ITPKB: variants seen among roughly 807,000 people sequenced by gnomAD.
The protein encoded by ITPKB is IP3 3-kinase B.
A neutral mutation model predicts 69.4 loss-of-function variants in ITPKB; 13 were observed. The observed-to-expected ratio is 0.19, with a 90% CI of 0.12 to 0.30. ITPKB has a LOEUF of 0.30. Among genes scored for constraint, ITPKB ranks in the 10% least tolerant of loss-of-function variants. The pLI, the probability that ITPKB is intolerant of heterozygous loss-of-function variation, is 1.00. For synonymous variants in ITPKB, 584 were observed against 513.7 expected (o/e 1.14, Z -1.85); for missense variants, 1,240 against 1,250.5 (o/e 0.99, Z 0.13).
At chr1:226,661,249 C>A (rs926949382) in intron 2 of ITPKB, among the ~76,000 whole-genome samples, 45 of 152,334 alleles carry the variant, frequency 3.0e-4, no homozygotes, top group Admixed American at 7.8e-4. Context: ...GAGCGCAGCC[C>A]ATAGCATGCG....
intron 2 of ITPKB, among the ~76,000 whole-genome samples, chr1:226,712,780 C>T (rs538790566): frequency 1.1e-4 from 16 of 152,310 alleles, no homozygotes; most frequent in African/African-American, 3.9e-4. Context: ...AAGAACAATA[C>T]AGATTGCAGG....
rs185462754 is a variant in ITPKB, at chr1:226,680,518, C to T, written c.1933-31747G>A. Among the ~76,000 whole-genome samples, 15 of 152,208 alleles carry T rather than the reference C, an allele frequency of 9.9e-5. No homozygotes were observed. The East Asian group carries it at 2.7e-3, about 27-fold the overall frequency. On this transcript the variant is annotated intron_variant, in intron 2 of 7. Coordinates refer to ENST00000429204, the MANE Select transcript of ITPKB (RefSeq NM_002221.4). ...CAGCTGGTGAACCGATGTGAAGAGT[C>T]GGCTCTAATGATTACTTGTATTAAG...
At position 226,737,251 on chromosome 1, in the gene ITPKB, G is replaced by A; in HGVS notation, c.208C>T (p.Arg70Trp). ...CCGCTCCGCCAGCCCCCGGGGCTCC[G>A]GGGCTCCTCGGGGGACAGCGACTCG... ...PAESLSPEEP[R>W]SPGGWRSGRR... Residue 70 changes from arginine to tryptophan, a missense_variant, in exon 2 of 8, where the codon CGG becomes TGG. Transcript: ENST00000429204. 1 of 1,553,086 alleles carries A rather than the reference G, an allele frequency of 6.4e-7. No homozygotes were observed. Among genetic ancestry groups the A allele is most frequent in the Non-Finnish European group, 8.6e-7 (1 of 1,156,754 alleles).
chr1:226,723,574 G>T (rs902990365), intron 2 of ITPKB, among the ~76,000 whole-genome samples: 1 of 151,832 alleles, frequency 6.6e-6, no homozygotes, highest in Admixed American at 6.6e-5. Flanking sequence ...CGTGTGTGTG[G>T]GTGTGTGTGT....
intron 2 of ITPKB, among the ~76,000 whole-genome samples, chr1:226,695,384 A>G (rs975552431): frequency 3.3e-5 from 5 of 152,222 alleles, no homozygotes; most frequent in Admixed American, 3.3e-4. Context: ...GTTTTAAATA[A>G]ATCAATTGTG....
At chr1:226,710,304 T>C (rs2102636351) in intron 2 of ITPKB, among the ~76,000 whole-genome samples, 1 of 152,192 alleles carries the variant, frequency 6.6e-6, no homozygotes, top group African/African-American at 2.4e-5. Context: ...AAACAGAAAC[T>C]GCAGATAGCA....
At chr1:226,714,952 G>A (rs761200951) in intron 2 of ITPKB, among the ~76,000 whole-genome samples, 5 of 152,224 alleles carry the variant, frequency 3.3e-5, no homozygotes, top group Admixed American at 6.5e-5. Flanking sequence ...CTACTGACCA[G>A]AGATACTGCT....
intron 7 of ITPKB, among the ~76,000 whole-genome samples, chr1:226,635,993 GC>G (rs1274376466): frequency 5.9e-5 from 9 of 152,212 alleles, no homozygotes; most frequent in African/African-American, 2.2e-4. Context: ...CAAAAAAGGG[GC>G]TTCCTCTTCG....
intron 2 of ITPKB, among the ~76,000 whole-genome samples, chr1:226,664,496 C>A (rs1232694876): frequency 1.3e-5 from 2 of 152,162 alleles, no homozygotes; most frequent in African/African-American, 4.8e-5. Flanking sequence ...GGACTCTGTC[C>A]CAGGGAGAAG....
chr1:226,711,440 AGAGTGTGTGTGT>A (rs1558092982), intron 2 of ITPKB, among the ~76,000 whole-genome samples: 4 of 95,448 alleles, frequency 4.2e-5, no homozygotes, highest in Admixed American at 2.9e-4. Flanking sequence ...AGAGAGAGAG[AGAGTGTGTGTGT>A]GTGTGTGTGT....
chr1:226,711,440 A>AGTGTGTGT (rs1317310111), intron 2 of ITPKB, among the ~76,000 whole-genome samples: 9 of 95,548 alleles, frequency 9.4e-5, no homozygotes, highest in African/African-American at 3.4e-4. Context: ...AGAGAGAGAG[A>AGTGTGTGT]GAGTGTGTGT....
chr1:226,705,105 T>A (rs1656768623), intron 2 of ITPKB, among the ~76,000 whole-genome samples: 1 of 152,196 alleles, frequency 6.6e-6, no homozygotes, highest in Non-Finnish European at 1.5e-5. Context: ...TTCAGGCCAC[T>A]CTCCCACAGA....
chr1:226,726,682 A>G (rs948892026), intron 2 of ITPKB, among the ~76,000 whole-genome samples: 7 of 152,044 alleles, frequency 4.6e-5, no homozygotes, highest in Admixed American at 2.0e-4. Context: ...TCTCAAATTC[A>G]TAAATTTTTT....
At chr1:226,680,057 C>T (rs1656039764) in intron 2 of ITPKB, among the ~76,000 whole-genome samples, 1 of 152,228 alleles carries the variant, frequency 6.6e-6, no homozygotes, top group Non-Finnish European at 1.5e-5. Flanking sequence ...GAACCAACCA[C>T]ACCTCGATCC....
intron 2 of ITPKB, among the ~76,000 whole-genome samples, chr1:226,697,972 A>C (rs1217264607): frequency 6.6e-6 from 1 of 152,184 alleles, no homozygotes; most frequent in Non-Finnish European, 1.5e-5. Flanking sequence ...AGTCCTATGC[A>C]CTGCACTCTC....
chr1:226,668,275 A>G (rs1669544848), intron 2 of ITPKB, among the ~76,000 whole-genome samples: 1 of 152,244 alleles, frequency 6.6e-6, no homozygotes, highest in African/African-American at 2.4e-5. Flanking sequence ...GTTAATTCAA[A>G]TAACTCATAT....
In ITPKB at chr1:226,736,358, T is replaced by C. The variant is rs368127761; in HGVS notation, c.1101A>G (p.Glu367=). ...ATCCTTTCCCCATCTTCCCAGGGGG[T>C]TCTCCATCGCGGGGCCCGCCCCTTT... ...APERGGPRDG[E]PPGKMGKGYL... is the part of the protein sequence containing the mutation. The change falls in exon 2 of 8, where the codon GAA becomes GAG. Residue 367 remains glutamate (E), a synonymous_variant. Coordinates refer to ENST00000429204, the MANE Select transcript of ITPKB (RefSeq NM_002221.4). 1.8e-4 allele frequency: 288 copies of C among 1,612,198 alleles called. 1 individual carries two copies. Among genetic ancestry groups the C allele is most frequent in the Non-Finnish European group, 2.3e-4 (277 of 1,179,710 alleles).
chr1:226,696,661 C>T (rs1656495792), intron 2 of ITPKB, among the ~76,000 whole-genome samples: 1 of 152,198 alleles, frequency 6.6e-6, no homozygotes, highest in African/African-American at 2.4e-5. Flanking sequence ...CTCCATAGAA[C>T]TCACAGCTAG....
intron 2 of ITPKB, among the ~76,000 whole-genome samples, chr1:226,696,286 T>TAC (rs1250575215): frequency 1.3e-5 from 2 of 152,024 alleles, no homozygotes; most frequent in East Asian, 3.8e-4. Context: ...TTGAAATATA[T>TAC]ACACACATAT....
Sources: allele counts gnomAD v4.1 joint callset (sites outside exome capture counted in the v4.1 genomes callset), GRCh38; gene constraint gnomAD v4.1.1; transcripts MANE v1.5; gene names NCBI Gene and HGNC (gene_info 2026-07-23, HGNC 2026-07-21).